The following PTPRT variants were observed in gnomAD, a reference collection of about 807,000 sequenced individuals.
The protein encoded by PTPRT is protein tyrosine phosphatase receptor type T, also known as receptor-type tyrosine-protein phosphatase T.
PTPRT carries 56 observed loss-of-function variants against 176.8 expected under a neutral mutation model. That is an observed-to-expected ratio of 0.32 (90% CI 0.26 to 0.40). PTPRT has a LOEUF of 0.40. PTPRT is among the 10% of genes least tolerant of loss of function. The pLI is 1.00. For synonymous variants in PTPRT, 783 were observed against 739.0 expected (o/e 1.06, Z -0.96); for missense variants, 1,540 against 1,908.2 (o/e 0.81, Z 3.60).
At chr20:42,906,448 C>T (rs2079479564) in intron 1 of PTPRT, among the ~76,000 whole-genome samples, 1 of 152,170 alleles carries the variant, frequency 6.6e-6, no homozygotes, top group South Asian at 2.1e-4. Context: ...TCTCCAAGCC[C>T]ACATGTGATC....
At chr20:42,251,581 T>C (rs1039007104) in intron 13 of PTPRT, among the ~76,000 whole-genome samples, 1 of 152,008 alleles carries the variant, frequency 6.6e-6, no homozygotes, top group African/African-American at 2.4e-5. Context: ...GCATTGCTTC[T>C]TGGAGCAATT....
chr20:42,727,395 A>G (rs938051045), intron 6 of PTPRT, among the ~76,000 whole-genome samples: 6 of 152,256 alleles, frequency 3.9e-5, no homozygotes, highest in African/African-American at 1.4e-4. Flanking sequence ...TACAATAGCT[A>G]GCAGAGATTT....
chr20:42,444,704 T>C (rs11696916), intron 9 of PTPRT, among the ~76,000 whole-genome samples: 1,862 of 152,312 alleles, frequency 0.012, 20 homozygotes, highest in Non-Finnish European at 0.021. Flanking sequence ...ATCCTATTTT[T>C]CTTTGTAATA....
chr20:42,398,481 C>CAAAG (rs2058873028), intron 9 of PTPRT, among the ~76,000 whole-genome samples: 1 of 152,044 alleles, frequency 6.6e-6, no homozygotes, highest in Non-Finnish European at 1.5e-5. Context: ...ACTATATCGT[C>CAAAG]ATTAAATGAT....
intron 12 of PTPRT, among the ~76,000 whole-genome samples, chr20:42,305,274 A>C (rs935603443): frequency 6.5e-5 from 4 of 61,250 alleles, no homozygotes; most frequent in African/African-American, 3.6e-4. Flanking sequence ...AATCACTCGA[A>C]CCTGGGAGGC....
At chr20:42,539,240 G>C (rs1023376633) in intron 7 of PTPRT, among the ~76,000 whole-genome samples, 2 of 152,116 alleles carry the variant, frequency 1.3e-5, no homozygotes, top group East Asian at 3.8e-4. Context: ...TCCTAGGCTT[G>C]AGGGTATAGA....
chr20:43,096,982 C>A (rs2012196820), intron 1 of PTPRT, among the ~76,000 whole-genome samples: 1 of 152,220 alleles, frequency 6.6e-6, no homozygotes, highest in Non-Finnish European at 1.5e-5. Context: ...ATTAAAAAGC[C>A]AAAGCTTCTG....
intron 1 of PTPRT, among the ~76,000 whole-genome samples, chr20:43,113,156 T>C (rs979170164): frequency 6.6e-6 from 1 of 152,172 alleles, no homozygotes; most frequent in Admixed American, 6.5e-5. Flanking sequence ...TAAACGTGTC[T>C]CCTTCTTTTA....
At chr20:42,623,061 C>T (rs1051912866) in intron 7 of PTPRT, among the ~76,000 whole-genome samples, 5 of 152,212 alleles carry the variant, frequency 3.3e-5, no homozygotes, top group Admixed American at 6.5e-5. Flanking sequence ...CATCTTCCCA[C>T]TCCATTCCCC....
intron 9 of PTPRT, among the ~76,000 whole-genome samples, chr20:42,401,647 G>A (rs1962754544): frequency 6.6e-6 from 1 of 152,086 alleles, no homozygotes; most frequent in South Asian, 2.1e-4. Flanking sequence ...CTTAGACATT[G>A]TTCTCTCCGA....
chr20:43,186,917 C>T (rs2015408621), intron 1 of PTPRT, among the ~76,000 whole-genome samples: 1 of 152,194 alleles, frequency 6.6e-6, no homozygotes, highest in Admixed American at 6.5e-5. Flanking sequence ...GATTCTGAAA[C>T]CCACTAGTAA....
chr20:42,554,124 G>T (rs536141659), intron 7 of PTPRT, among the ~76,000 whole-genome samples: 2 of 152,028 alleles, frequency 1.3e-5, no homozygotes, highest in African/African-American at 2.4e-5. Context: ...AAAAGAGTCC[G>T]TAATTGCCTA....
chr20:42,901,947 G>A (rs1301635831), intron 1 of PTPRT, among the ~76,000 whole-genome samples: 1 of 152,192 alleles, frequency 6.6e-6, no homozygotes, highest in Non-Finnish European at 1.5e-5. Flanking sequence ...TACAGCAGCA[G>A]AGTTGAGTAG....
chr20:42,875,464 C>A (rs773016491), intron 2 of PTPRT, among the ~76,000 whole-genome samples: 1 of 152,148 alleles, frequency 6.6e-6, no homozygotes, highest in Admixed American at 6.5e-5. Context: ...TCCAAGTACA[C>A]GAAAAACCAT....
At chr20:42,895,150 T>TA (rs1430203883) in intron 1 of PTPRT, among the ~76,000 whole-genome samples, 6 of 152,144 alleles carry the variant, frequency 3.9e-5, no homozygotes, top group Admixed American at 6.5e-5. Context: ...AGGGCTGCTG[T>TA]AAAAAAATGC....
chr20:43,105,286 T>C (rs1179008542), intron 1 of PTPRT, among the ~76,000 whole-genome samples: 1 of 152,204 alleles, frequency 6.6e-6, no homozygotes, highest in Non-Finnish European at 1.5e-5. Flanking sequence ...ACCATTGGTC[T>C]ATATATATGG....
intron 7 of PTPRT, among the ~76,000 whole-genome samples, chr20:42,623,554 T>A (rs1280978708): frequency 1.3e-5 from 2 of 152,202 alleles, no homozygotes; most frequent in Non-Finnish European, 2.9e-5. Context: ...GATGAAATGG[T>A]GATAGAATTC....
At chr20:42,432,650 A>T (rs914423067) in intron 9 of PTPRT, among the ~76,000 whole-genome samples, 1 of 152,356 alleles carries the variant, frequency 6.6e-6, no homozygotes, top group Admixed American at 6.5e-5. Flanking sequence ...GTTAAGTCAC[A>T]GCTGCAGGCC....
intron 9 of PTPRT, among the ~76,000 whole-genome samples, chr20:42,424,320 C>G (rs2145779894): frequency 6.6e-6 from 1 of 152,200 alleles, no homozygotes; most frequent in African/African-American, 2.4e-5. Context: ...ACTTAAAGCC[C>G]AGATTGCAGC....
Sources: allele counts gnomAD v4.1 joint callset (sites outside exome capture counted in the v4.1 genomes callset), GRCh38; gene constraint gnomAD v4.1.1; transcripts MANE v1.5; gene names NCBI Gene and HGNC (gene_info 2026-07-23, HGNC 2026-07-21).